The following MYLK variants were observed in gnomAD, a reference collection of about 807,000 sequenced individuals.
MYLK encodes the protein myosin light chain kinase, also known as myosin light chain kinase, smooth muscle.
In MYLK, 106 loss-of-function variants were observed where a neutral mutation model predicts 203.4. The ratio of observed to expected loss-of-function variants is 0.52; its 90% CI spans 0.45 to 0.61. The LOEUF is 0.61. MYLK is among the 20% of genes least tolerant of loss of function. The pLI is 0.00. For synonymous variants in MYLK, 867 were observed against 959.5 expected, an observed-to-expected ratio of 0.90 and a Z score of 1.78; for missense variants, 2,072 against 2,442.3, an observed-to-expected ratio of 0.85 and a Z score of 3.20.
chr3:123,817,023 T>C (rs181013361), intron 3 of MYLK, among the ~76,000 whole-genome samples: 17 of 152,328 alleles, frequency 1.1e-4, no homozygotes, highest in Admixed American at 3.3e-4. Flanking sequence ...GTGGCGCAGA[T>C]AAAATAATGT....
intron 19 of MYLK, among the ~76,000 whole-genome samples, chr3:123,685,541 C>T (rs1276544822): frequency 3.4e-5 from 5 of 146,396 alleles, no homozygotes; most frequent in South Asian, 2.2e-4. Flanking sequence ...CTGCAATGAT[C>T]GTGCCGCTGC....
At chr3:123,656,859 T>C (rs1264638994) in intron 24 of MYLK, among the ~76,000 whole-genome samples, 2 of 152,216 alleles carry the variant, frequency 1.3e-5, no homozygotes, top group Non-Finnish European at 2.9e-5. Flanking sequence ...CTTGAACTCC[T>C]ATGCTCCTGA....
In MYLK at chr3:123,670,493, G is replaced by A. The variant is rs58905043; in HGVS notation, c.3653-3306C>T. On this transcript the variant is annotated intron_variant, in intron 20 of 33. Coordinates refer to ENST00000360304, the MANE Select transcript of MYLK (RefSeq NM_053025.4). ...AATTAAGGTGAGGCATAGTGGCTCA[G>A]CCTGTAATCCCAGCGCTTTGGGAGG... 0.027 allele frequency among the ~76,000 whole-genome samples: 4,074 copies of A among 152,166 alleles called. 366 individuals carry two copies. The East Asian group carries it at 0.34, about 13-fold the overall frequency.
At chr3:123,652,694 T>C (rs550505770) in intron 24 of MYLK, among the ~76,000 whole-genome samples, 4 of 152,304 alleles carry the variant, frequency 2.6e-5, no homozygotes, top group Non-Finnish European at 5.9e-5. Context: ...CTAACAATTA[T>C]ACAGACTAGA....
chr3:123,812,657 C>G (rs2065599612), intron 3 of MYLK, among the ~76,000 whole-genome samples: 1 of 152,212 alleles, frequency 6.6e-6, no homozygotes, highest in African/African-American at 2.4e-5. Context: ...AACAAAACAT[C>G]TATGAAAGAC....
rs540589116 is a variant in MYLK, at chr3:123,734,317, G to A, written c.774-95C>T. 11 of 1,236,352 alleles carry A rather than the reference G, an allele frequency of 8.9e-6. No individual in the cohort carries two copies. The Admixed American group carries it at 1.7e-4, about 19-fold the overall frequency. 76.6% of individuals were successfully genotyped at this position (1,236,352 alleles called of 1,614,324 possible). On this transcript the variant is annotated intron_variant, in intron 9 of 33. Coordinates refer to ENST00000360304, the MANE Select transcript of MYLK (RefSeq NM_053025.4). ...CACAAATATTACTCATCACAAGCAC[G>A]GATTCCAGGGATCACAAAAGCCCAC...
intron 3 of MYLK, among the ~76,000 whole-genome samples, chr3:123,824,537 T>C (rs1322986255): frequency 6.6e-6 from 1 of 152,206 alleles, no homozygotes; most frequent in African/African-American, 2.4e-5. Context: ...GAATGTCATG[T>C]CATGTTAGCC....
intron 30 of MYLK, among the ~76,000 whole-genome samples, chr3:123,627,436 T>C (rs1214875682): frequency 1.3e-5 from 2 of 152,232 alleles, no homozygotes; most frequent in African/African-American, 2.4e-5. Context: ...ATCAGGTTTT[T>C]CCATTACAAC....
chr3:123,678,791 T>C (rs145612929), intron 20 of MYLK, among the ~76,000 whole-genome samples: 90 of 152,152 alleles, frequency 5.9e-4, no homozygotes, highest in Middle Eastern at 3.4e-3. Flanking sequence ...AAAAATCCAA[T>C]TGATGTACTT....
intron 2 of MYLK, among the ~76,000 whole-genome samples, chr3:123,853,247 G>T (rs2031027165): frequency 6.6e-6 from 1 of 152,120 alleles, no homozygotes; most frequent in African/African-American, 2.4e-5. Context: ...GCTTGGACTG[G>T]AAGGGACTAA....
At chr3:123,767,184 C>T (rs2063733561) in intron 4 of MYLK, among the ~76,000 whole-genome samples, 1 of 152,226 alleles carries the variant, frequency 6.6e-6, no homozygotes, top group South Asian at 2.1e-4. Context: ...CCCAGCTGAG[C>T]CACTGTTAGA....
rs1409770345 is a variant in MYLK, at chr3:123,657,265, T to C, written c.4149A>G (p.Thr1383=). Residue 1383 remains threonine, a synonymous_variant, in exon 24 of 34, where the codon ACA becomes ACG. Transcript: ENST00000360304. ...SANKTWKELA[T]CRSTSFNVQD... ...GGACGTTGAAAGAGGTGCTGCGGCA[T>C]GTGGCTAGTTCCTTCCACGTCTTGT... 1.9e-6 allele frequency: 3 copies of C among 1,614,178 alleles called. No homozygotes were observed. Among genetic ancestry groups the C allele is most frequent in the Non-Finnish European group, 2.5e-6 (3 of 1,180,046 alleles).
intron 2 of MYLK, among the ~76,000 whole-genome samples, chr3:123,833,847 TCTC>T (rs2066408220): frequency 6.6e-6 from 1 of 151,902 alleles, no homozygotes; most frequent in South Asian, 2.1e-4. Flanking sequence ...GTCACACAAT[TCTC>T]CTTGTCAAAT....
intron 13 of MYLK, among the ~76,000 whole-genome samples, chr3:123,719,878 A>G (rs1310580322): frequency 6.6e-6 from 1 of 152,174 alleles, no homozygotes; most frequent in East Asian, 1.9e-4. Flanking sequence ...GGGGCTGCCA[A>G]TCAAGTCAGA....
rs1213054379 is a variant in MYLK at position 123,619,776 on chromosome 3, T to C, written c.5368+431A>G. 2.0e-5 allele frequency among the ~76,000 whole-genome samples: 3 copies of C among 152,192 alleles called. No homozygotes were observed. In the South Asian group the frequency reaches 6.2e-4, roughly 31 times the overall value. On this transcript the variant is annotated intron_variant, in intron 32 of 33. Transcript: ENST00000360304. ...TGTGGACCATATGAGTTAATTTTTA[T>C]TTAAAACAAAACCACAAAGATGGTA...
intron 18 of MYLK, 44 bp downstream of exon 18, chr3:123,699,976 C>G (rs1181126921): frequency 1.9e-6 from 3 of 1,613,672 alleles, no homozygotes; most frequent in Admixed American, 1.7e-5. Flanking sequence ...AGGAGTGGCC[C>G]TGGTACAGAG....
intron 4 of MYLK, among the ~76,000 whole-genome samples, chr3:123,780,398 T>C (rs1264757252): frequency 6.6e-6 from 1 of 152,118 alleles, no homozygotes; most frequent in East Asian, 1.9e-4. Context: ...TGCGCCACTG[T>C]CCTCCAGCCT....
In MYLK at chr3:123,880,731, C is replaced by T. The variant is rs1577175541; in HGVS notation, c.-186+3475G>A. On this transcript the variant is annotated intron_variant, in intron 1 of 33. Coordinates refer to ENST00000360304, the MANE Select transcript of MYLK (RefSeq NM_053025.4). Reference sequence around the variant, plus strand: ...CCATTCACCCTCAGACACTGAAGTACAGTGAGCAGGAGGGCAGGGAAAAGA... The same window carrying T: ...CCATTCACCCTCAGACACTGAAGTATAGTGAGCAGGAGGGCAGGGAAAAGA... Among the ~76,000 whole-genome samples, 3 of 152,284 alleles carry T rather than the reference C, an allele frequency of 2.0e-5. No homozygotes were observed. In the East Asian group the frequency reaches 5.8e-4, roughly 29 times the overall value.
At chr3:123,787,911 T>C (rs866147080) in intron 4 of MYLK, among the ~76,000 whole-genome samples, 4 of 152,220 alleles carry the variant, frequency 2.6e-5, no homozygotes, top group Admixed American at 6.5e-5. Context: ...GGATTTGCAC[T>C]GTGCCTGTGT....
Sources: allele counts gnomAD v4.1 joint callset (sites outside exome capture counted in the v4.1 genomes callset), GRCh38; gene constraint gnomAD v4.1.1; transcripts MANE v1.5; gene names NCBI Gene and HGNC (gene_info 2026-07-23, HGNC 2026-07-21).